UNC5D: variants seen among roughly 807,000 people sequenced by gnomAD.
UNC5D encodes the protein netrin receptor UNC5D.
Under a neutral mutation model 105.4 loss-of-function variants are expected in UNC5D, and 39 were observed. That is an observed-to-expected ratio of 0.37 (90% CI 0.29 to 0.48). The LOEUF (loss-of-function observed/expected upper bound fraction) is 0.48. Among genes scored for constraint, UNC5D ranks in the 20% least tolerant of loss-of-function variants. The pLI is 0.98. For synonymous variants in UNC5D, 452 were observed against 450.4 expected (o/e 1.00, Z -0.04); for missense variants, 991 against 1,202.4 (o/e 0.82, Z 2.60).
chr8:35,373,020 G>A (rs1795990013), intron 1 of UNC5D, among the ~76,000 whole-genome samples: 1 of 152,132 alleles, frequency 6.6e-6, no homozygotes, highest in Non-Finnish European at 1.5e-5. Context: ...TTTAGTTTGG[G>A]GGCCATGTAA....
chr8:35,764,972 A>G (rs569311512), intron 14 of UNC5D, among the ~76,000 whole-genome samples: 3 of 152,380 alleles, frequency 2.0e-5, no homozygotes, highest in South Asian at 2.1e-4. Flanking sequence ...GTGATTACAA[A>G]ACCTCTGTAG....
chr8:35,350,216 A>G (rs1812124708), intron 1 of UNC5D, among the ~76,000 whole-genome samples: 1 of 151,978 alleles, frequency 6.6e-6, no homozygotes, highest in Admixed American at 6.6e-5. Flanking sequence ...ATTTAACAGA[A>G]AAATATTTGG....
chr8:35,617,400 C>T (rs139120504), intron 4 of UNC5D, among the ~76,000 whole-genome samples: 13 of 152,288 alleles, frequency 8.5e-5, no homozygotes, highest in Admixed American at 3.9e-4. Context: ...CACCTGCCTA[C>T]GTGTACTTTT....
chr8:35,672,011 A>C (rs569991681), intron 4 of UNC5D, among the ~76,000 whole-genome samples: 2 of 152,126 alleles, frequency 1.3e-5, no homozygotes, highest in Non-Finnish European at 2.9e-5. Flanking sequence ...TTTCCTTTGG[A>C]TATCATTACA....
intron 1 of UNC5D, among the ~76,000 whole-genome samples, chr8:35,454,104 C>T (rs918897308): frequency 3.4e-4 from 51 of 152,108 alleles, no homozygotes; most frequent in African/African-American, 1.2e-3. Flanking sequence ...AATCTACCAA[C>T]CTGACAGACT....
At chr8:35,539,772 C>G (rs914930277) in intron 1 of UNC5D, among the ~76,000 whole-genome samples, 4 of 152,160 alleles carry the variant, frequency 2.6e-5, no homozygotes, top group African/African-American at 9.7e-5. Context: ...TGGCCACAGG[C>G]TAGGATTTTA....
intron 1 of UNC5D, among the ~76,000 whole-genome samples, chr8:35,486,898 G>A (rs1041884319): frequency 4.6e-5 from 7 of 152,122 alleles, no homozygotes; most frequent in Admixed American, 3.9e-4. Context: ...ATGAGAACTG[G>A]CTTTCCCAGG....
At chr8:35,750,535 TCA>T in intron 12 of UNC5D, 45 bp from the exon 13 acceptor site, 1 of 1,579,460 alleles carries the variant, frequency 6.3e-7, no homozygotes, top group Non-Finnish European at 8.7e-7. Context: ...AAAGGTTAGA[TCA>T]CATCTTATTT....
At chr8:35,306,739 G>A (rs539957913) in intron 1 of UNC5D, among the ~76,000 whole-genome samples, 89 of 152,176 alleles carry the variant, frequency 5.8e-4, no homozygotes, top group South Asian at 1.2e-3. Flanking sequence ...CATTGAAGAT[G>A]TTCATATGGA....
At chr8:35,504,243 G>A (rs555871565) in intron 1 of UNC5D, among the ~76,000 whole-genome samples, 1 of 152,266 alleles carries the variant, frequency 6.6e-6, no homozygotes, top group Non-Finnish European at 1.5e-5. Flanking sequence ...GCCCTGACCT[G>A]CCGTGTGACC....
At chr8:35,739,783 A>G (rs184246076) in intron 11 of UNC5D, among the ~76,000 whole-genome samples, 83 of 152,304 alleles carry the variant, frequency 5.4e-4, no homozygotes, top group Admixed American at 1.3e-3. Context: ...TATTTAATAT[A>G]TATCATCCTT....
At chr8:35,461,689 G>A (rs979104109) in intron 1 of UNC5D, among the ~76,000 whole-genome samples, 24 of 152,138 alleles carry the variant, frequency 1.6e-4, no homozygotes, top group African/African-American at 4.8e-4. Flanking sequence ...CTTCATTTGC[G>A]CTCACAGCAC....
At chr8:35,573,141 G>A (rs906159814) in intron 3 of UNC5D, among the ~76,000 whole-genome samples, 15 of 152,190 alleles carry the variant, frequency 9.9e-5, no homozygotes, top group African/African-American at 3.6e-4. Context: ...GATACCTACA[G>A]ATGCTGCCAG....
At chr8:35,452,650 C>T (rs547200341) in intron 1 of UNC5D, among the ~76,000 whole-genome samples, 7 of 152,218 alleles carry the variant, frequency 4.6e-5, no homozygotes, top group Admixed American at 1.3e-4. Context: ...AAAAAAGACA[C>T]GGTAGTAGCT....
At chr8:35,641,860 C>A (rs896749719) in intron 4 of UNC5D, among the ~76,000 whole-genome samples, 10 of 152,034 alleles carry the variant, frequency 6.6e-5, no homozygotes. Flanking sequence ...TGTTATAATC[C>A]TAAATAAAAA....
At chr8:35,640,007 G>A (rs1404983018) in intron 4 of UNC5D, among the ~76,000 whole-genome samples, 1 of 152,052 alleles carries the variant, frequency 6.6e-6, no homozygotes, top group African/African-American at 2.4e-5. Flanking sequence ...TTACAGCCAT[G>A]AGCCACTGTG....
intron 1 of UNC5D, among the ~76,000 whole-genome samples, chr8:35,342,832 A>G (rs1036565983): frequency 1.3e-5 from 2 of 152,134 alleles, no homozygotes; most frequent in African/African-American, 4.8e-5. Context: ...ACATATATCT[A>G]ACATAGAGGG....
intron 1 of UNC5D, among the ~76,000 whole-genome samples, chr8:35,286,581 A>T (rs1489910739): frequency 6.6e-6 from 1 of 152,190 alleles, no homozygotes; most frequent in South Asian, 2.1e-4. Flanking sequence ...TTACTCATGG[A>T]CACAATATCT....
intron 1 of UNC5D, among the ~76,000 whole-genome samples, chr8:35,270,067 G>A (rs1805170965): frequency 6.6e-6 from 1 of 152,160 alleles, no homozygotes; most frequent in African/African-American, 2.4e-5. Context: ...TATATCAGAA[G>A]ATAATTGAGA....
Sources: allele counts gnomAD v4.1 joint callset (sites outside exome capture counted in the v4.1 genomes callset), GRCh38; gene constraint gnomAD v4.1.1; transcripts MANE v1.5; gene names NCBI Gene and HGNC (gene_info 2026-07-23, HGNC 2026-07-21).